The following TP53I13 variants were observed in gnomAD, a reference collection of about 807,000 sequenced individuals.
TP53I13 encodes tumor protein p53-inducible protein 13.
TP53I13 carries 27 observed loss-of-function variants against 39.1 expected under a neutral mutation model. That is an observed-to-expected ratio of 0.69 (90% CI 0.51 to 0.95). The LOEUF is 0.95. Among genes scored for constraint, TP53I13 ranks in the 40% least tolerant of loss-of-function variants. The pLI, the probability that TP53I13 is intolerant of heterozygous loss-of-function variation, is 0.00. For synonymous variants in TP53I13, 230 were observed against 224.6 expected, an observed-to-expected ratio of 1.02 and a Z score of -0.22; for missense variants, 544 against 520.4, an observed-to-expected ratio of 1.05 and a Z score of -0.44.
chr17:29,579,114 G>A, the TP53I13 span: 1 of 803,544 alleles, frequency 1.2e-6, no homozygotes, highest in Non-Finnish European at 2.2e-6. Context: ...GCCCAGAAGG[G>A]ACAAAGCTGA....
At chr17:29,580,275 C>T in the TP53I13 span, among the ~76,000 whole-genome samples, 1 of 152,236 alleles carries the variant, frequency 6.6e-6, no homozygotes, top group Non-Finnish European at 1.5e-5. Flanking sequence ...TTACCATACA[C>T]ATGCACGCAT....
At chr17:29,575,821 G>C (rs1310393122), downstream of TP53I13, 3 of 1,612,746 alleles carry the variant, frequency 1.9e-6, no homozygotes, top group Non-Finnish European at 2.5e-6. The surrounding 1 kb of genome is among the most constrained non-coding windows in gnomAD (Gnocchi z 5.5). Flanking sequence ...CCGTGTGGCG[G>C]CTTCCCTCCT....
the TP53I13 span, chr17:29,581,881 C>A: frequency 6.2e-7 from 1 of 1,606,120 alleles, no homozygotes; most frequent in Non-Finnish European, 8.5e-7. The surrounding 1 kb of genome is among the most constrained non-coding windows in gnomAD (Gnocchi z 4.8). Context: ...GCAGCCCTCA[C>A]CCACACCCCC....
downstream of TP53I13, chr17:29,575,071 C>A: frequency 6.3e-7 from 1 of 1,588,638 alleles, no homozygotes. The surrounding 1 kb of genome is among the most constrained non-coding windows in gnomAD (Gnocchi z 5.5). Context: ...TCTCTTTGGC[C>A]CCTGTACCTT....
At chr17:29,581,667 C>A in the TP53I13 span, 2 of 1,136,158 alleles carry the variant, frequency 1.8e-6, no homozygotes, top group Non-Finnish European at 2.6e-6. The surrounding 1 kb of genome is among the most constrained non-coding windows in gnomAD (Gnocchi z 4.8). Flanking sequence ...CACCTGCTGC[C>A]GGGTGCGTCC....
downstream of TP53I13, chr17:29,576,935 G>A (rs1195255737): frequency 6.3e-6 from 10 of 1,592,794 alleles, no homozygotes; most frequent in Admixed American, 3.5e-5. Context: ...CAGAGGCCAC[G>A]CTGTCGTAGT....
chr17:29,576,343 G>C, downstream of TP53I13: 2 of 1,613,276 alleles, frequency 1.2e-6, no homozygotes, highest in Non-Finnish European at 1.7e-6. Context: ...GTGTGCTCCC[G>C]CCTGGCGCCA....
intron 3 of TP53I13, chr17:29,571,276 TG>T (rs1251010067): frequency 2.9e-6 from 1 of 342,666 alleles, no homozygotes; most frequent in African/African-American, 2.1e-5. Flanking sequence ...GCTTGGATTG[TG>T]GACCTGTAGA....
chr17:29,576,221 G>C (rs753598369), downstream of TP53I13: 4 of 1,607,454 alleles, frequency 2.5e-6, no homozygotes, highest in Middle Eastern at 1.6e-4. Flanking sequence ...GTGACTCACA[G>C]TGCTGTGGAA....
At chr17:29,575,220 A>G, downstream of TP53I13, 2 of 1,557,000 alleles carry the variant, frequency 1.3e-6, no homozygotes, top group Non-Finnish European at 1.8e-6. This position sits in a 1 kb window ranked among gnomAD's most constrained non-coding sequence, Gnocchi z 5.5. Flanking sequence ...AGGGCCCCTC[A>G]TGCTCTCTGC....
Position 29,571,869 on chromosome 17 carries a change from A to C in TP53I13, c.325A>C (p.Thr109Pro). The C allele has an allele frequency of 6.2e-7, 1 of 1,613,124 alleles. No homozygotes were observed. Among genetic ancestry groups the C allele is most frequent in the African/African-American group, 1.3e-5 (1 of 75,020 alleles). Residue 109 changes from threonine (T) to proline (P), a missense_variant, in exon 5 of 7, where the codon ACT becomes CCT. Physicochemically the swap from Thr to Pro is conservative, Grantham distance 38. Transcript: ENST00000301057. ...SLTQDRPLVL[T>P]AWGLALEMAW... is the part of the protein sequence containing the mutation. ...CCTCCTCTCGTAGCCCCTGGTGCTGACTGCATGGGGGCTGGCGCTGGAGAT... is the reference window on the plus strand; with the variant it reads ...CCTCCTCTCGTAGCCCCTGGTGCTGCCTGCATGGGGGCTGGCGCTGGAGAT...
At chr17:29,575,007 T>A (rs998501569), downstream of TP53I13, 2 of 1,473,706 alleles carry the variant, frequency 1.4e-6, no homozygotes, top group African/African-American at 1.4e-5. The surrounding 1 kb of genome is among the most constrained non-coding windows in gnomAD (Gnocchi z 5.5). Context: ...CAGGTAGCGA[T>A]CAGATGGGAT....
chr17:29,578,968 G>A, the TP53I13 span: 33 of 1,613,782 alleles, frequency 2.0e-5, 2 homozygotes, highest in South Asian at 1.1e-4. Flanking sequence ...ATACCTCTGA[G>A]ACATGCACTT....
chr17:29,581,636 C>T, the TP53I13 span: 4 of 862,894 alleles, frequency 4.6e-6, no homozygotes, highest in South Asian at 4.3e-5. This position sits in a 1 kb window ranked among gnomAD's most constrained non-coding sequence, Gnocchi z 4.8. Flanking sequence ...ACATTGCTCC[C>T]CAGCCGCTCT....
chr17:29,578,975 A>G, the TP53I13 span: 1 of 1,613,874 alleles, frequency 6.2e-7, no homozygotes, highest in South Asian at 1.1e-5. Flanking sequence ...TGAGACATGC[A>G]CTTTTGCCGA....
intron 3 of TP53I13, chr17:29,570,634 C>T (rs981473654): frequency 6.6e-6 from 1 of 152,208 alleles, no homozygotes; most frequent in Admixed American, 6.5e-5. Context: ...TCAATGGCTC[C>T]TTATTTCCCA....
At chr17:29,582,292 C>T in the TP53I13 span, 8 of 629,168 alleles carry the variant, frequency 1.3e-5, no homozygotes, top group African/African-American at 3.6e-5. Flanking sequence ...AGAGGCTTCC[C>T]GCTAGGGGTT....
At chr17:29,580,637 CAA>C in the TP53I13 span, among the ~76,000 whole-genome samples, 2 of 152,210 alleles carry the variant, frequency 1.3e-5, no homozygotes, top group Non-Finnish European at 2.9e-5. Context: ...CCAGCAGTCA[CAA>C]AGTTAGTCAC....
chr17:29,572,888 G>A lies in TP53I13; in HGVS notation c.1146G>A (p.Thr382=), dbSNP rs1448292354. The A allele has an allele frequency of 1.3e-6, 2 of 1,513,788 alleles. No homozygotes were observed. Among genetic ancestry groups the A allele is most frequent in the Non-Finnish European group, 1.8e-6 (2 of 1,138,454 alleles). The allele number at this position is 1,513,788 out of a possible 1,614,324, so 93.8% of individuals were successfully genotyped here. ...GCCGGAGACCCCTCCTCCCGCCCAC[G>A]CCGGACAGCGGCCCGGAAGGCGAGA... The part of the protein sequence containing the change: ...RSRRRPLLPP[T]PDSGPEGESS... Residue 382 remains threonine, a synonymous_variant, in exon 7 of 7, where the codon ACG becomes ACA. Coordinates refer to ENST00000301057, the MANE Select transcript of TP53I13 (RefSeq NM_138349.4).
Sources: allele counts gnomAD v4.1 joint callset (sites outside exome capture counted in the v4.1 genomes callset), GRCh38; gene constraint gnomAD v4.1.1; non-coding constraint Gnocchi (gnomAD v3.1); transcripts MANE v1.5; gene names NCBI Gene and HGNC (gene_info 2026-07-23, HGNC 2026-07-21).